The following SERINC5 variants were observed in gnomAD, a reference collection of about 807,000 sequenced individuals.
SERINC5 encodes serine incorporator 5, also known as chromosome 5 open reading frame 12.
A neutral mutation model predicts 63.1 loss-of-function variants in SERINC5; 41 were observed. The observed-to-expected ratio is 0.65, with a 90% confidence interval of 0.51 to 0.84. The LOEUF (loss-of-function observed/expected upper bound fraction) is 0.84, where lower values mean the gene tolerates loss of function less well. Ranked by LOEUF, SERINC5 falls within the 40% of genes least tolerant of loss-of-function variation. The pLI, the probability that SERINC5 is intolerant of heterozygous loss-of-function variation, is 0.00. For missense variants in SERINC5, 523 were observed against 573.0 expected, an observed-to-expected ratio of 0.91 and a Z score of 0.89; for synonymous variants, 222 against 215.2, an observed-to-expected ratio of 1.03 and a Z score of -0.28.
At chr5:80,151,639 A>T (rs1056366619) in intron 8 of SERINC5, among the ~76,000 whole-genome samples, 1 of 152,186 alleles carries the variant, frequency 6.6e-6, no homozygotes, top group African/African-American at 2.4e-5. Flanking sequence ...ACATAGCAAG[A>T]CCTCATCTCT....
chr5:80,137,770 T>C (rs185126131), downstream of SERINC5, among the ~76,000 whole-genome samples: 42 of 150,898 alleles, frequency 2.8e-4, no homozygotes, highest in African/African-American at 9.5e-4. Context: ...AGTGAGACCC[T>C]ATCTGTATAA....
intron 5 of SERINC5, among the ~76,000 whole-genome samples, chr5:80,174,532 G>A (rs544405691): frequency 8.6e-5 from 13 of 152,020 alleles, no homozygotes; most frequent in African/African-American, 3.1e-4. Context: ...ATGAAAAAGG[G>A]AAGAAAAGGT....
At chr5:80,180,464 G>A (rs1014835438) in intron 2 of SERINC5, among the ~76,000 whole-genome samples, 2 of 152,154 alleles carry the variant, frequency 1.3e-5, no homozygotes, top group Non-Finnish European at 2.9e-5. Context: ...TGGCTATCAC[G>A]ATTTCCATAA....
intron 1 of SERINC5, among the ~76,000 whole-genome samples, chr5:80,217,834 A>G (rs934572154): frequency 2.6e-5 from 4 of 152,154 alleles, no homozygotes. Context: ...GATCTAGTCC[A>G]GTCCTCCTAT....
intron 1 of SERINC5, among the ~76,000 whole-genome samples, chr5:80,244,939 T>C (rs187413511): frequency 6.6e-6 from 1 of 152,260 alleles, no homozygotes; most frequent in East Asian, 1.9e-4. Flanking sequence ...TCCTCCCACC[T>C]CAGCCTCCAG....
downstream of SERINC5, among the ~76,000 whole-genome samples, chr5:80,137,645 A>C (rs1031488671): frequency 1.3e-4 from 16 of 120,978 alleles, no homozygotes; most frequent in Admixed American, 6.2e-4. Flanking sequence ...TCTAACTCAA[A>C]AAAAAAAAAA....
chr5:80,125,472 C>T (rs1744712686), intron 11 of SERINC5, among the ~76,000 whole-genome samples: 1 of 152,098 alleles, frequency 6.6e-6, no homozygotes, highest in African/African-American at 2.4e-5. Context: ...AAAGGCATTT[C>T]AGGAAACCAA....
intron 1 of SERINC5, among the ~76,000 whole-genome samples, chr5:80,216,707 A>AT (rs33992928): frequency 0.16 from 23,534 of 151,648 alleles, 2,079 homozygotes; most frequent in Admixed American, 0.19. Context: ...GGTTTTAAAT[A>AT]TTTTTTTTTA....
intron 2 of SERINC5, among the ~76,000 whole-genome samples, chr5:80,190,364 G>A (rs895805029): frequency 2.0e-5 from 3 of 151,908 alleles, no homozygotes; most frequent in Non-Finnish European, 4.4e-5. Flanking sequence ...CTCCCATCTT[G>A]GTCTGCCAAA....
At position 80,124,953 on chromosome 5, in the gene SERINC5, G is replaced by A. The variant is rs1744690292; in HGVS notation, c.1239-11328C>T. 2.0e-5 allele frequency among the ~76,000 whole-genome samples: 3 copies of A among 152,134 alleles called. No homozygotes were observed. The South Asian group carries it at 6.2e-4, about 31-fold the overall frequency. ...GGAGGGGAGGGGAGAGAAGAGGGAT[G>A]GTTCCAACCAAAAAAGGTAGGGGGA... On this transcript the variant is annotated intron_variant, in intron 11 of 12. Coordinates refer to the SERINC5 transcript ENST00000509193.
At position 80,140,328 on chromosome 5, in the gene SERINC5, A is replaced by T; in HGVS notation, c.*3335T>A. On this transcript the variant is annotated 3_prime_UTR_variant, in exon 12 of 12. Transcript: ENST00000507668. ...TCCAAAAAAAAAAAAAAAAAAAAAA[A>T]AAAAGGCTTAGGGTGACAATTTTGA... 1 of 912,216 alleles carries T rather than the reference A, an allele frequency of 1.1e-6. No homozygotes were observed. Among genetic ancestry groups the T allele is most frequent in the Non-Finnish European group, 1.3e-6 (1 of 765,798 alleles). The allele number at this position is 912,216 out of a possible 1,614,324, so 56.5% of individuals were successfully genotyped here.
chr5:80,143,885 T>C, intron 11 of SERINC5, 75 bp from the exon 12 acceptor site: 2 of 1,472,104 alleles, frequency 1.4e-6, no homozygotes, highest in South Asian at 2.5e-5. Flanking sequence ...CACATCCATT[T>C]ATAATGTATA....
Position 80,140,129 on chromosome 5 carries a change from A to G in SERINC5, c.*3534T>C. 1.2e-6 allele frequency: 1 copy of G among 852,098 alleles called. No individual in the cohort carries two copies. The highest frequency in any genetic ancestry group is 6.2e-5 in the Admixed American group (1 of 16,090). 52.8% of individuals were successfully genotyped at this position (852,098 alleles called of 1,614,324 possible). The stretch of plus-strand genomic sequence containing the variant: ...CACATTGCTTGAGCTCAGGAGTTTG[A>G]GACCAGCCTGGACAACCCCATCTCT... On this transcript the variant is annotated 3_prime_UTR_variant, in exon 12 of 12. Transcript: ENST00000507668.
At chr5:80,212,187 T>C (rs1022815400) in intron 1 of SERINC5, among the ~76,000 whole-genome samples, 7 of 152,184 alleles carry the variant, frequency 4.6e-5, no homozygotes, top group African/African-American at 1.4e-4. Flanking sequence ...AAAATTATAA[T>C]ACTGTTCCTT....
At position 80,118,664 on chromosome 5, in the gene SERINC5, C is replaced by T. The variant is rs184501271; in HGVS notation, c.1239-5039G>A. 2.4e-3 allele frequency among the ~76,000 whole-genome samples: 371 copies of T among 151,954 alleles called. 4 individuals carry two copies. Among genetic ancestry groups the T allele is most frequent in the African/African-American group, 8.7e-3 (360 of 41,416 alleles). On this transcript the variant is annotated intron_variant, in intron 11 of 12. Transcript: ENST00000509193. ...CCAGGCTCAAGTGATCCTCCCACCT[C>T]AGCCTCCTGAGTAGCTGGGACTACA...
chr5:80,210,992 G>A (rs1462219192), intron 1 of SERINC5, among the ~76,000 whole-genome samples: 1 of 152,202 alleles, frequency 6.6e-6, no homozygotes, highest in Non-Finnish European at 1.5e-5. Flanking sequence ...TCTGCCACAG[G>A]CATGGAAAGA....
intron 5 of SERINC5, 27 bp downstream of exon 5, chr5:80,174,927 T>C (rs778574513): frequency 6.6e-7 from 1 of 1,526,098 alleles, no homozygotes. Flanking sequence ...TGTGAGTCAA[T>C]GGGAAGCTTT....
At chr5:80,123,625 C>T (rs1744630551) in intron 11 of SERINC5, among the ~76,000 whole-genome samples, 1 of 152,184 alleles carries the variant, frequency 6.6e-6, no homozygotes, top group Admixed American at 6.5e-5. Flanking sequence ...ATCCAGCTCC[C>T]CATCTCACCA....
intron 1 of SERINC5, among the ~76,000 whole-genome samples, chr5:80,212,665 T>TGGA (rs1370581977): frequency 4.0e-5 from 2 of 50,242 alleles, no homozygotes; most frequent in African/African-American, 1.6e-4. Flanking sequence ...AGTGGTGGGG[T>TGGA]GGGGGGGGGG....
Sources: allele counts gnomAD v4.1 joint callset (sites outside exome capture counted in the v4.1 genomes callset), GRCh38; gene constraint gnomAD v4.1.1; transcripts MANE v1.5; gene names NCBI Gene and HGNC (gene_info 2026-07-23, HGNC 2026-07-21).